UNC5C: variants seen among roughly 807,000 people sequenced by gnomAD.
The protein encoded by UNC5C is unc-5 netrin receptor C, also known as netrin receptor UNC5C.
UNC5C carries 47 observed loss-of-function variants against 99.8 expected under a neutral mutation model. The observed-to-expected ratio is 0.47, with a 90% CI of 0.37 to 0.60. The LOEUF is 0.60. Among genes scored for constraint, UNC5C ranks in the 20% least tolerant of loss-of-function variants. The pLI is 0.00. For missense variants in UNC5C, 1,062 were observed against 1,165.9 expected (o/e 0.91, Z 1.30); for synonymous variants, 487 against 452.2 (o/e 1.08, Z -0.98).
intron 5 of UNC5C, among the ~76,000 whole-genome samples, chr4:95,247,571 C>T (rs1739548303): frequency 1.3e-5 from 2 of 152,032 alleles, no homozygotes; most frequent in African/African-American, 4.8e-5. Context: ...TAGGTTTATC[C>T]CTTCATTTAC....
chr4:95,291,737 A>G (rs569960485), intron 3 of UNC5C, among the ~76,000 whole-genome samples: 1 of 152,332 alleles, frequency 6.6e-6, no homozygotes, highest in African/African-American at 2.4e-5. Context: ...GTCAAGATTT[A>G]TATAAAACAA....
chr4:95,314,892 T>C (rs1742415433), intron 2 of UNC5C, among the ~76,000 whole-genome samples: 1 of 152,142 alleles, frequency 6.6e-6, no homozygotes, highest in Admixed American at 6.6e-5. Flanking sequence ...TTTTGAAAAA[T>C]ATTGCAAACA....
At chr4:95,235,320 A>G (rs992468816) in intron 7 of UNC5C, among the ~76,000 whole-genome samples, 1 of 152,166 alleles carries the variant, frequency 6.6e-6, no homozygotes, top group South Asian at 2.1e-4. Context: ...AATAGAAAGC[A>G]TATAGGGTTG....
intron 4 of UNC5C, among the ~76,000 whole-genome samples, chr4:95,263,329 C>G (rs1740316618): frequency 6.6e-6 from 1 of 151,992 alleles, no homozygotes; most frequent in African/African-American, 2.4e-5. Context: ...ATAAAATGTG[C>G]AAGGAGATAT....
At chr4:95,520,426 G>C (rs1722323403) in intron 1 of UNC5C, among the ~76,000 whole-genome samples, 1 of 152,054 alleles carries the variant, frequency 6.6e-6, no homozygotes, top group African/African-American at 2.4e-5. Flanking sequence ...ATGCATAATG[G>C]TGAAAATATG....
At chr4:95,394,269 A>C (rs1253286393) in intron 1 of UNC5C, among the ~76,000 whole-genome samples, 4 of 151,762 alleles carry the variant, frequency 2.6e-5, no homozygotes, top group Admixed American at 6.6e-5. Flanking sequence ...AAAAAAAAAA[A>C]CCCTCCAATC....
At chr4:95,346,565 A>T (rs950202532) in intron 1 of UNC5C, among the ~76,000 whole-genome samples, 2 of 152,064 alleles carry the variant, frequency 1.3e-5, no homozygotes, top group Admixed American at 1.3e-4. Context: ...TTAACAACAC[A>T]TTAAAAAGAT....
At chr4:95,545,101 G>T (rs187564786) in intron 1 of UNC5C, among the ~76,000 whole-genome samples, 2 of 152,228 alleles carry the variant, frequency 1.3e-5, no homozygotes, top group East Asian at 1.9e-4. Flanking sequence ...CCTTAGGGGG[G>T]GTTGCTTAAA....
chr4:95,170,780 G>C (rs1736066646), intron 14 of UNC5C, among the ~76,000 whole-genome samples: 1 of 152,242 alleles, frequency 6.6e-6, no homozygotes, highest in African/African-American at 2.4e-5. Flanking sequence ...ACCTTGAGGA[G>C]AAAGTCCTGG....
intron 10 of UNC5C, among the ~76,000 whole-genome samples, chr4:95,211,421 A>G (rs988822620): frequency 2.6e-5 from 4 of 152,214 alleles, no homozygotes; most frequent in African/African-American, 9.6e-5. Flanking sequence ...GCCAGAACTG[A>G]TAAGCATTAT....
chr4:95,491,733 T>C (rs1019259614), intron 1 of UNC5C, among the ~76,000 whole-genome samples: 1 of 151,598 alleles, frequency 6.6e-6, no homozygotes, highest in African/African-American at 2.4e-5. Context: ...GTAAAATATG[T>C]TGTGTTCCAA....
At chr4:95,497,745 G>A (rs1011199339) in intron 1 of UNC5C, among the ~76,000 whole-genome samples, 3 of 151,862 alleles carry the variant, frequency 2.0e-5, no homozygotes, top group Non-Finnish European at 4.4e-5. Context: ...AATTATAATG[G>A]TATTAGAGAA....
At chr4:95,205,962 A>G (rs1737860051) in intron 11 of UNC5C, among the ~76,000 whole-genome samples, 1 of 151,582 alleles carries the variant, frequency 6.6e-6, no homozygotes, top group Non-Finnish European at 1.5e-5. Context: ...TCCAGTTGCA[A>G]TGTTTCTGAC....
chr4:95,534,801 T>C (rs1020543181), intron 1 of UNC5C, among the ~76,000 whole-genome samples: 1 of 152,134 alleles, frequency 6.6e-6, no homozygotes, highest in African/African-American at 2.4e-5. Flanking sequence ...TTGCTTATAC[T>C]ATAATGTGTC....
At chr4:95,183,847 T>C (rs2149351004) in intron 13 of UNC5C, among the ~76,000 whole-genome samples, 1 of 152,302 alleles carries the variant, frequency 6.6e-6, no homozygotes, top group East Asian at 1.9e-4. Context: ...CATTGCTCAG[T>C]TTTCCTATCT....
chr4:95,336,522 A>T (rs1743343909), intron 1 of UNC5C, among the ~76,000 whole-genome samples: 1 of 151,910 alleles, frequency 6.6e-6, no homozygotes, highest in Non-Finnish European at 1.5e-5. Context: ...TTGGTACTTA[A>T]AGGCTGGTTG....
At chr4:95,378,196 T>G (rs1744955191) in intron 1 of UNC5C, among the ~76,000 whole-genome samples, 1 of 152,200 alleles carries the variant, frequency 6.6e-6, no homozygotes, top group Admixed American at 6.5e-5. Context: ...AGAATTATAG[T>G]TTTAACAATT....
chr4:95,170,937 T>A (rs966118440), intron 14 of UNC5C, among the ~76,000 whole-genome samples: 2 of 152,252 alleles, frequency 1.3e-5, no homozygotes, highest in African/African-American at 4.8e-5. Context: ...AGTATATTAT[T>A]GCCTTAGGGC....
chr4:95,239,791 G>A lies in UNC5C; in HGVS notation c.1108+2638C>T, dbSNP rs62319066. Reference sequence around the variant, plus strand: ...TTAACAAGGAAATATATCTGAATTCGTTTTGAACAAATTAACAAATAAATA... The same window carrying A: ...TTAACAAGGAAATATATCTGAATTCATTTTGAACAAATTAACAAATAAATA... On this transcript the variant is annotated intron_variant, in intron 7 of 15. Coordinates refer to ENST00000453304, the MANE Select transcript of UNC5C (RefSeq NM_003728.4). Among the ~76,000 whole-genome samples, 245 of 152,106 alleles carry A rather than the reference G, an allele frequency of 1.6e-3. 1 individual carries two copies. The Middle Eastern group carries it at 0.017, about 11-fold the overall frequency.
Sources: gnomAD v4.1 joint callset for allele counts (sites outside exome capture counted in the v4.1 genomes callset) on GRCh38, gnomAD v4.1.1 for gene constraint, MANE v1.5 for transcripts, NCBI Gene and HGNC (gene_info 2026-07-23, HGNC 2026-07-21) for gene names.